TRPS1: variants seen among roughly 807,000 people sequenced by gnomAD.
TRPS1 encodes the protein zinc finger transcription factor Trps1.
Under a neutral mutation model 101.2 loss-of-function variants are expected in TRPS1, and 6 were observed. The observed-to-expected ratio is 0.06, with a 90% CI of 0.03 to 0.12. The LOEUF is 0.12. Ranked by LOEUF, TRPS1 falls within the 10% of genes least tolerant of loss-of-function variation. The pLI is 1.00. For synonymous variants in TRPS1, 578 were observed against 589.8 expected, an observed-to-expected ratio of 0.98 and a Z score of 0.29; for missense variants, 1,363 against 1,567.0, an observed-to-expected ratio of 0.87 and a Z score of 2.20.
At chr8:115,665,580 G>C (rs761040256) in intron 1 of TRPS1, among the ~76,000 whole-genome samples, 29 of 152,164 alleles carry the variant, frequency 1.9e-4, no homozygotes, top group African/African-American at 3.6e-4. Context: ...GTAGTAGTAT[G>C]TGTAACTTAT....
At position 115,623,671 on chromosome 8, in the gene TRPS1, C is replaced by T; in HGVS notation, c.-34G>A. 1 of 1,608,050 alleles carries T rather than the reference C, an allele frequency of 6.2e-7. No homozygotes were observed. ...AGAGTGCTTTTTACAATTATTAATT[C>T]TATTAGTCAACTAGCAGGAGGCTAA... On this transcript the variant is annotated 5_prime_UTR_variant, in exon 2 of 7. Transcript: ENST00000395715.
chr8:115,569,183 C>T (rs977036794), intron 5 of TRPS1, among the ~76,000 whole-genome samples: 1 of 151,958 alleles, frequency 6.6e-6, no homozygotes, highest in Non-Finnish European at 1.5e-5. Flanking sequence ...TTTCATGAAT[C>T]CTTCCTCTCT....
At chr8:115,427,997 T>A (rs1226092926) in intron 5 of TRPS1, among the ~76,000 whole-genome samples, 29 of 152,078 alleles carry the variant, frequency 1.9e-4, no homozygotes, top group Admixed American at 1.9e-3. Context: ...ACATGGGAGG[T>A]TAGCTGTGAA....
In TRPS1 at chr8:115,638,490, A is replaced by C. The variant is rs141699189; in HGVS notation, c.-121-14732T>G. On this transcript the variant is annotated intron_variant, in intron 1 of 6. Transcript: ENST00000395715. Reference sequence around the variant, plus strand: ...AAGCCAACACTGCCTTTAAGGCCCCAAAAATTGACATTGTTCTCAAGTGTG... The same window carrying C: ...AAGCCAACACTGCCTTTAAGGCCCCCAAAATTGACATTGTTCTCAAGTGTG... Among the ~76,000 whole-genome samples the C allele has an allele frequency of 7.6e-4, 116 of 152,300 alleles. 1 individual carries two copies. Among genetic ancestry groups the C allele is most frequent in the East Asian group, 5.0e-3 (26 of 5,172 alleles).
At chr8:115,653,442 G>A (rs1304934846) in intron 1 of TRPS1, among the ~76,000 whole-genome samples, 2 of 152,006 alleles carry the variant, frequency 1.3e-5, no homozygotes, top group East Asian at 1.9e-4. Flanking sequence ...GAGATTTTAC[G>A]TGGGATGATC....
intron 5 of TRPS1, among the ~76,000 whole-genome samples, chr8:115,532,035 C>T (rs1469102096): frequency 6.6e-6 from 1 of 151,890 alleles, no homozygotes; most frequent in Admixed American, 6.6e-5. Context: ...AAAAAGGAGT[C>T]GAAGGGCTAC....
intron 5 of TRPS1, among the ~76,000 whole-genome samples, chr8:115,548,111 C>T (rs1174432479): frequency 6.6e-6 from 1 of 151,628 alleles, no homozygotes; most frequent in Non-Finnish European, 1.5e-5. Context: ...GCGCATGCCT[C>T]TAAGCCCAGC....
At chr8:115,548,560 C>G (rs1816632469) in intron 5 of TRPS1, among the ~76,000 whole-genome samples, 1 of 152,136 alleles carries the variant, frequency 6.6e-6, no homozygotes. Context: ...GCTGGAATTA[C>G]AGGCATGAGC....
chr8:115,615,200 T>C (rs1406199425), intron 3 of TRPS1, among the ~76,000 whole-genome samples: 2 of 152,198 alleles, frequency 1.3e-5, no homozygotes, highest in African/African-American at 4.8e-5. Context: ...TCCTGAATAA[T>C]GCAGTAATAA....
chr8:115,496,096 A>G (rs566162539), intron 5 of TRPS1, among the ~76,000 whole-genome samples: 84 of 152,316 alleles, frequency 5.5e-4, no homozygotes, highest in African/African-American at 1.9e-3. Flanking sequence ...GCAACTAACT[A>G]CAACATGTCA....
intron 5 of TRPS1, among the ~76,000 whole-genome samples, chr8:115,503,308 C>T (rs1038152154): frequency 6.0e-5 from 9 of 149,492 alleles, no homozygotes; most frequent in African/African-American, 1.5e-4. Context: ...CACCAATGTA[C>T]GCGAATTACC....
intron 5 of TRPS1, among the ~76,000 whole-genome samples, chr8:115,586,225 A>C (rs568421644): frequency 1.3e-5 from 2 of 152,252 alleles, no homozygotes; most frequent in Non-Finnish European, 2.9e-5. Flanking sequence ...GGCATCGAGC[A>C]ACTATCACTT....
intron 5 of TRPS1, among the ~76,000 whole-genome samples, chr8:115,468,377 A>G (rs536007911): frequency 2.0e-5 from 3 of 152,224 alleles, no homozygotes; most frequent in Non-Finnish European, 4.4e-5. Flanking sequence ...TCCCTTGCAT[A>G]TATGAACAAA....
chr8:115,566,058 T>A (rs1438842349), intron 5 of TRPS1, among the ~76,000 whole-genome samples: 14 of 152,176 alleles, frequency 9.2e-5, no homozygotes. Context: ...GGCCATATCC[T>A]ATTTTAAAGA....
At chr8:115,441,892 A>AGTGT (rs1242421181) in intron 5 of TRPS1, among the ~76,000 whole-genome samples, 2,864 of 113,946 alleles carry the variant, frequency 0.025, 25 homozygotes, top group Middle Eastern at 0.077. Flanking sequence ...AGAGAGAGAG[A>AGTGT]GAGAGAGTGT....
chr8:115,540,976 G>A (rs957742946), intron 5 of TRPS1, among the ~76,000 whole-genome samples: 1 of 151,996 alleles, frequency 6.6e-6, no homozygotes, highest in Non-Finnish European at 1.5e-5. Context: ...TCTTTCTGAA[G>A]CATTCATTTT....
In TRPS1 at chr8:115,410,402, A is replaced by G. The variant is rs1812762972; in HGVS notation, c.*3621T>C. On this transcript the variant is annotated 3_prime_UTR_variant, in exon 7 of 7. Coordinates refer to ENST00000395715, the MANE Select transcript of TRPS1 (RefSeq NM_014112.5). ...CTCATTAATATTACCTTAGAAAAGA[A>G]TCCCCATGCTTGTTTTATAAAAATC... 2 of 152,520 alleles carry G rather than the reference A, an allele frequency of 1.3e-5. No homozygotes were observed. Among genetic ancestry groups the G allele is most frequent in the African/African-American group, 4.8e-5 (2 of 41,432 alleles). 9.4% of individuals were successfully genotyped at this position (152,520 alleles called of 1,614,324 possible). A position where few individuals can be genotyped will look rare whatever the true frequency, so the allele number is the denominator to read the frequency against.
rs552667131 is a variant in TRPS1, at chr8:115,537,961, C to G, written c.2700+49040G>C. On this transcript the variant is annotated intron_variant, in intron 5 of 6. Transcript: ENST00000395715. The stretch of plus-strand genomic sequence containing the variant: ...GAACCACAAGATACATCACTGTAAA[C>G]TGCAGGGAGTGCTTCAGTGATCATG... 7.9e-5 allele frequency among the ~76,000 whole-genome samples: 12 copies of G among 152,290 alleles called. No individual in the cohort carries two copies. In the South Asian group the frequency reaches 2.5e-3, roughly 32 times the overall value.
chr8:115,628,934 G>A lies in TRPS1; in HGVS notation c.-121-5176C>T, dbSNP rs1329097703. ...CCAGAGATCCACAATGTACATTAGC[G>A]TTTACAGCTCTAAGAAGTCCTAGGG... On this transcript the variant is annotated intron_variant, in intron 1 of 6. Coordinates refer to ENST00000395715, the MANE Select transcript of TRPS1 (RefSeq NM_014112.5). Among the ~76,000 whole-genome samples the A allele has an allele frequency of 4.6e-5, 7 of 151,932 alleles. No individual in the cohort carries two copies. The East Asian group carries it at 5.8e-4, about 13-fold the overall frequency.
Sources: gnomAD v4.1 joint callset for allele counts (sites outside exome capture counted in the v4.1 genomes callset) on GRCh38, gnomAD v4.1.1 for gene constraint, MANE v1.5 for transcripts, NCBI Gene and HGNC (gene_info 2026-07-23, HGNC 2026-07-21) for gene names.